FNDC3A: variants seen among roughly 807,000 people sequenced by gnomAD.
FNDC3A encodes the protein fibronectin type III domain containing 3A, also known as fibronectin type-III domain-containing protein 3A.
A neutral mutation model predicts 148.9 loss-of-function variants in FNDC3A; 32 were observed. That is an observed-to-expected ratio of 0.21 (90% CI 0.16 to 0.29). The LOEUF is 0.29. Among genes scored for constraint, FNDC3A ranks in the 10% least tolerant of loss-of-function variants. The pLI is 1.00. For synonymous variants in FNDC3A, 472 were observed against 473.6 expected (o/e 1.00, Z 0.04); for missense variants, 1,191 against 1,452.8 (o/e 0.82, Z 2.93).
In FNDC3A at chr13:49,092,967, A is replaced by C. The variant is rs371895289; in HGVS notation, c.175+17603A>C. On this transcript the variant is annotated intron_variant, in intron 3 of 25. Transcript: ENST00000492622. The stretch of plus-strand genomic sequence containing the variant: ...ATTGCATTAATCAACTTTAAATCTT[A>C]AGAGAGGAACCTGAGATTCATAAAA... Among the ~76,000 whole-genome samples, 142 of 151,512 alleles carry C rather than the reference A, an allele frequency of 9.4e-4. 1 individual carries two copies. Among genetic ancestry groups the C allele is most frequent in the African/African-American group, 3.3e-3 (136 of 41,572 alleles).
chr13:49,131,517 T>C lies in FNDC3A; in HGVS notation c.490+143T>C. 3 of 669,488 alleles carry C rather than the reference T, an allele frequency of 4.5e-6. No individual in the cohort carries two copies. In the East Asian group the frequency reaches 7.9e-5, roughly 18 times the overall value. The allele number at this position is 669,488 out of a possible 1,614,324, so 41.5% of individuals were successfully genotyped here. A position where few individuals can be genotyped will look rare whatever the true frequency, so the allele number is the denominator to read the frequency against. On this transcript the variant is annotated intron_variant, in intron 5 of 25. Coordinates refer to ENST00000492622, the MANE Select transcript of FNDC3A (RefSeq NM_001079673.2). ...TTTTTCTTTTACTCAAGTACTATAT[T>C]AGGTGCTTCATCCTCATGATCACCC...
intron 7 of FNDC3A, among the ~76,000 whole-genome samples, chr13:49,143,937 G>C (rs1249170102): frequency 6.6e-6 from 1 of 151,576 alleles, no homozygotes; most frequent in Non-Finnish European, 1.5e-5. Context: ...TTGAGGCCAG[G>C]AGCTCGAGAC....
chr13:49,078,664 G>C (rs972817425), intron 3 of FNDC3A, among the ~76,000 whole-genome samples: 1 of 152,172 alleles, frequency 6.6e-6, no homozygotes, highest in Non-Finnish European at 1.5e-5. Context: ...CCTTCACTCT[G>C]AGCAAGAGAA....
chr13:49,123,106 ATC>A (rs1881467031), intron 4 of FNDC3A, among the ~76,000 whole-genome samples: 2 of 152,064 alleles, frequency 1.3e-5, no homozygotes. Flanking sequence ...TATACTACAA[ATC>A]TACAGTAACC....
intron 25 of FNDC3A, 89 bp downstream of exon 25, chr13:49,203,373 C>T (rs1886507478): frequency 1.1e-6 from 1 of 875,584 alleles, no homozygotes; most frequent in Admixed American, 2.4e-5. Context: ...GCCATCTTTA[C>T]CTTTTAATTC....
intron 22 of FNDC3A, 31 bp downstream of exon 22, chr13:49,198,296 C>T (rs1393507556): frequency 6.2e-7 from 1 of 1,610,890 alleles, no homozygotes; most frequent in Admixed American, 1.7e-5. Flanking sequence ...TGATTTTTGC[C>T]TAGACCAGAG....
chr13:49,202,148 C>T (rs1407248162), intron 24 of FNDC3A, among the ~76,000 whole-genome samples, 182 bp downstream of exon 24: 1 of 152,146 alleles, frequency 6.6e-6, no homozygotes, highest in Non-Finnish European at 1.5e-5. Context: ...GCTGTTTTAT[C>T]TGGCACGCTC....
chr13:49,178,790 T>G (rs1593713245), intron 14 of FNDC3A, 136 bp downstream of exon 14: 1 of 530,836 alleles, frequency 1.9e-6, no homozygotes, highest in East Asian at 3.6e-5. Flanking sequence ...GCTGCTGCAG[T>G]GGCACAATCA....
chr13:48,987,517 C>G (rs2137558374), intron 1 of FNDC3A, among the ~76,000 whole-genome samples: 1 of 152,266 alleles, frequency 6.6e-6, no homozygotes, highest in South Asian at 2.1e-4. Context: ...TTTAGTATAT[C>G]TGACTAAGAA....
chr13:49,016,966 ATAGT>A (rs1474836743), intron 2 of FNDC3A, among the ~76,000 whole-genome samples: 1 of 151,454 alleles, frequency 6.6e-6, no homozygotes, highest in Non-Finnish European at 1.5e-5. Context: ...GGTCTGAGAG[ATAGT>A]TTGTTATAAT....
intron 4 of FNDC3A, among the ~76,000 whole-genome samples, chr13:49,118,769 C>T (rs775524060): frequency 4.6e-5 from 7 of 152,194 alleles, no homozygotes; most frequent in Non-Finnish European, 7.3e-5. Flanking sequence ...CCCACCGCAG[C>T]TCATCAAAGC....
chr13:48,985,153 CAA>C (rs1263878920), intron 1 of FNDC3A, among the ~76,000 whole-genome samples: 1 of 151,830 alleles, frequency 6.6e-6, no homozygotes, highest in Non-Finnish European at 1.5e-5. Context: ...ATGTAATAGA[CAA>C]AATTAATATT....
At chr13:49,011,801 A>G (rs1408669205) in intron 2 of FNDC3A, among the ~76,000 whole-genome samples, 2 of 152,160 alleles carry the variant, frequency 1.3e-5, no homozygotes, top group African/African-American at 4.8e-5. Context: ...TGTCTCAAAA[A>G]AAATGTTTAA....
At chr13:49,142,353 A>G (rs1882736330) in intron 7 of FNDC3A, among the ~76,000 whole-genome samples, 1 of 152,174 alleles carries the variant, frequency 6.6e-6, no homozygotes, top group South Asian at 2.1e-4. Context: ...TTCCGTCGGT[A>G]AACACTTACC....
intron 4 of FNDC3A, among the ~76,000 whole-genome samples, chr13:49,120,180 A>G (rs2137893393): frequency 6.6e-6 from 1 of 152,336 alleles, no homozygotes; most frequent in East Asian, 1.9e-4. Flanking sequence ...AGTGGGGGCC[A>G]ATATTCAACA....
At chr13:49,001,483 A>T (rs1488527401) in intron 1 of FNDC3A, among the ~76,000 whole-genome samples, 1 of 152,222 alleles carries the variant, frequency 6.6e-6, no homozygotes, top group Non-Finnish European at 1.5e-5. Flanking sequence ...TTAAACTCTG[A>T]CTGCCAGTGA....
Position 49,167,768 on chromosome 13 carries a change from C to CA in FNDC3A, c.1037+475dup, listed in dbSNP as rs201570138. Among the ~76,000 whole-genome samples, 148 of 140,664 alleles carry CA rather than the reference C, an allele frequency of 1.1e-3. 1 individual carries two copies. The highest frequency in any genetic ancestry group is 3.0e-3 in the African/African-American group (116 of 38,230). The allele number at this position is 140,664 out of a possible 152,430, so 92.3% of individuals were successfully genotyped here. On this transcript the variant is annotated intron_variant, in intron 9 of 25. Transcript: ENST00000492622. Reference sequence around the variant, plus strand: ...ATTGGTAAAATTATCAAAATTTTTCCAAAAAAAAAACATTTAACTCATGTT... The same window carrying CA: ...ATTGGTAAAATTATCAAAATTTTTCCAAAAAAAAAAACATTTAACTCATGTT...
chr13:49,103,505 G>T (rs540440809), intron 3 of FNDC3A, among the ~76,000 whole-genome samples: 2 of 152,274 alleles, frequency 1.3e-5, no homozygotes, highest in South Asian at 4.1e-4. Context: ...AGCAGAGGAG[G>T]ATACAATGAA....
chr13:49,080,510 T>C (rs1181901061), intron 3 of FNDC3A, among the ~76,000 whole-genome samples: 1 of 152,254 alleles, frequency 6.6e-6, no homozygotes, highest in Non-Finnish European at 1.5e-5. Flanking sequence ...ACAATCTAAC[T>C]TGTTCTTACG....
Sources: gnomAD v4.1 joint callset for allele counts (sites outside exome capture counted in the v4.1 genomes callset) on GRCh38, gnomAD v4.1.1 for gene constraint, MANE v1.5 for transcripts, NCBI Gene and HGNC (gene_info 2026-07-23, HGNC 2026-07-21) for gene names.